EPS15: variants seen among roughly 807,000 people sequenced by gnomAD.
EPS15 encodes epidermal growth factor receptor pathway substrate 15, also known as epidermal growth factor receptor substrate 15.
A neutral mutation model predicts 113.8 loss-of-function variants in EPS15; 72 were observed. The observed-to-expected ratio is 0.63, with a 90% CI of 0.52 to 0.77. The LOEUF (loss-of-function observed/expected upper bound fraction) is 0.77. EPS15 is among the 30% of genes least tolerant of loss of function. The pLI is 0.00. For missense variants in EPS15, 1,048 were observed against 1,045.8 expected, an observed-to-expected ratio of 1.00 and a Z score of -0.03; for synonymous variants, 344 against 363.4, an observed-to-expected ratio of 0.95 and a Z score of 0.61.
chr1:51,435,191 C>A (rs900717264), intron 12 of EPS15, among the ~76,000 whole-genome samples: 1 of 150,500 alleles, frequency 6.6e-6, no homozygotes, highest in African/African-American at 2.4e-5. Flanking sequence ...TTTCTTTTTT[C>A]TTTTTTCTTT....
chr1:51,421,751 T>C, intron 13 of EPS15, 35 bp downstream of exon 13: 1 of 1,340,108 alleles, frequency 7.5e-7, no homozygotes, highest in Admixed American at 2.0e-5. Flanking sequence ...TAGTCCTAAA[T>C]CAGCAGTGGA....
intron 1 of EPS15, among the ~76,000 whole-genome samples, chr1:51,514,421 C>T (rs2148570400): frequency 6.6e-6 from 1 of 152,136 alleles, no homozygotes; most frequent in East Asian, 1.9e-4. Context: ...AGGTTTATTA[C>T]ATCAGTGGAC....
At chr1:51,506,877 G>A (rs1644508330) in intron 1 of EPS15, among the ~76,000 whole-genome samples, 1 of 151,374 alleles carries the variant, frequency 6.6e-6, no homozygotes. Context: ...ACAGACTGCA[G>A]AGAAGGGTGA....
intron 21 of EPS15, among the ~76,000 whole-genome samples, chr1:51,386,744 T>G (rs1168682305): frequency 1.3e-5 from 2 of 151,926 alleles, no homozygotes; most frequent in African/African-American, 4.8e-5. Flanking sequence ...ATGAATGAAA[T>G]GAAGCAAGAA....
chr1:51,517,794 T>C (rs12039831), intron 1 of EPS15, among the ~76,000 whole-genome samples: 6,054 of 152,234 alleles, frequency 0.04, 166 homozygotes, highest in East Asian at 0.13. Flanking sequence ...AAATAGACTT[T>C]CCTTATGACA....
chr1:51,414,446 C>T (rs1418990858), intron 13 of EPS15, among the ~76,000 whole-genome samples: 1 of 151,802 alleles, frequency 6.6e-6, no homozygotes, highest in Non-Finnish European at 1.5e-5. Flanking sequence ...AAAATATAAT[C>T]TATTTTGAAT....
intron 13 of EPS15, 130 bp from the exon 14 acceptor site, chr1:51,409,826 T>C (rs142791699): frequency 2.5e-5 from 15 of 596,888 alleles, no homozygotes; most frequent in South Asian, 1.4e-4. Context: ...ACTAGGGTAC[T>C]TAACAGCTTT....
At chr1:51,457,221 A>G (rs1472833504) in intron 8 of EPS15, among the ~76,000 whole-genome samples, 1 of 152,126 alleles carries the variant, frequency 6.6e-6, no homozygotes, top group Non-Finnish European at 1.5e-5. Context: ...CAGGAGGCGG[A>G]GCTTGCAGTG....
chr1:51,485,449 T>A (rs1411034592), intron 1 of EPS15, among the ~76,000 whole-genome samples: 1 of 152,120 alleles, frequency 6.6e-6, no homozygotes, highest in East Asian at 1.9e-4. Context: ...TTTAGTGAGC[T>A]GGGCATGATG....
At chr1:51,489,210 C>T (rs1022821075) in intron 1 of EPS15, among the ~76,000 whole-genome samples, 5 of 148,530 alleles carry the variant, frequency 3.4e-5, no homozygotes, top group African/African-American at 1.2e-4. Context: ...ATTATAATTA[C>T]ATATATAGCT....
chr1:51,495,365 G>A (rs1322232486), intron 1 of EPS15, among the ~76,000 whole-genome samples: 2 of 143,896 alleles, frequency 1.4e-5, no homozygotes, highest in South Asian at 4.3e-4. Context: ...TTTTTTTTTT[G>A]CTGGCAAGTA....
chr1:51,421,957 A>C, intron 12 of EPS15, 99 bp from the exon 13 acceptor site: 1 of 1,511,682 alleles, frequency 6.6e-7, no homozygotes, highest in Non-Finnish European at 8.9e-7. Context: ...TTAAATACAT[A>C]GTGAAACATT....
chr1:51,501,917 A>G (rs1370734959), intron 1 of EPS15, among the ~76,000 whole-genome samples: 1 of 152,178 alleles, frequency 6.6e-6, no homozygotes, highest in Non-Finnish European at 1.5e-5. Context: ...TGCTGATAGT[A>G]TAAGGACCAC....
chr1:51,498,924 C>G (rs1401955125), intron 1 of EPS15, among the ~76,000 whole-genome samples: 2 of 152,204 alleles, frequency 1.3e-5, no homozygotes, highest in African/African-American at 4.8e-5. Flanking sequence ...AAGGGCTCCT[C>G]CCTTGTGAAT....
intron 20 of EPS15, chr1:51,397,029 T>C (rs1052908880): frequency 7.9e-5 from 12 of 152,038 alleles, no homozygotes; most frequent in African/African-American, 2.9e-4. Context: ...TACAGGTGCA[T>C]GCTATTACAC....
At chr1:51,394,806 T>C (rs918518851) in intron 20 of EPS15, among the ~76,000 whole-genome samples, 2 of 152,150 alleles carry the variant, frequency 1.3e-5, no homozygotes, top group African/African-American at 2.4e-5. Context: ...GTGATATTCG[T>C]TTATTTTTTT....
At chr1:51,409,276 G>A (rs906356739) in intron 14 of EPS15, among the ~76,000 whole-genome samples, 2 of 152,068 alleles carry the variant, frequency 1.3e-5, no homozygotes, top group Non-Finnish European at 2.9e-5. Flanking sequence ...CTGGGGGAGG[G>A]ACAGAGGAGA....
At chr1:51,453,528 A>C (rs1653743091) in intron 8 of EPS15, among the ~76,000 whole-genome samples, 2 of 152,122 alleles carry the variant, frequency 1.3e-5, no homozygotes, top group South Asian at 4.1e-4. Flanking sequence ...TCACACACAC[A>C]CCAAAAAAAA....
intron 20 of EPS15, 23 bp downstream of exon 20, chr1:51,399,007 AAC>A (rs777578471): frequency 1.2e-6 from 2 of 1,601,354 alleles, no homozygotes; most frequent in Non-Finnish European, 8.5e-7. Flanking sequence ...CATTTAACTT[AAC>A]AGTTTTTAAT....
Sources: gnomAD v4.1 joint callset for allele counts (sites outside exome capture counted in the v4.1 genomes callset) on GRCh38, gnomAD v4.1.1 for gene constraint, MANE v1.5 for transcripts, NCBI Gene and HGNC (gene_info 2026-07-23, HGNC 2026-07-21) for gene names.